The following KCTD21 variants were observed in gnomAD, a reference collection of about 807,000 sequenced individuals.
The protein encoded by KCTD21 is potassium channel tetramerization domain containing 21.
Under a neutral mutation model 13.2 loss-of-function variants are expected in KCTD21, and 9 were observed. The observed-to-expected ratio is 0.68, with a 90% CI of 0.41 to 1.19. The LOEUF is 1.19. Ranked by LOEUF, KCTD21 falls within the 50% of genes most tolerant of loss-of-function variation. The probability of loss-of-function intolerance (pLI) is 0.01; values close to 1 mark genes in which losing one functional copy is unlikely to be tolerated. For missense variants in KCTD21, 303 were observed against 336.5 expected, an observed-to-expected ratio of 0.90 and a Z score of 0.78; for synonymous variants, 142 against 137.4, an observed-to-expected ratio of 1.03 and a Z score of -0.23.
chr11:78,183,625 A>C (rs1471441464), intron 1 of KCTD21, among the ~76,000 whole-genome samples: 1 of 151,872 alleles, frequency 6.6e-6, no homozygotes. Flanking sequence ...AGATAGAGAC[A>C]GGAAAAATTA....
intron 1 of KCTD21, among the ~76,000 whole-genome samples, chr11:78,186,371 C>CAAAAAAAAAAAAAAAAAAA (rs57748403): frequency 6.5e-5 from 3 of 45,816 alleles, no homozygotes; most frequent in African/African-American, 1.7e-4. Flanking sequence ...GACCCTGTCT[C>CAAAAAAAAAAAAAAAAAAA]AAAAAAAAAA....
intron 1 of KCTD21, chr11:78,186,891 G>C (rs866981254): frequency 1.0e-6 from 1 of 985,466 alleles, no homozygotes; most frequent in African/African-American, 1.7e-5. Context: ...CTCCCTTGCT[G>C]GGGCTGGGGG....
intron 1 of KCTD21, among the ~76,000 whole-genome samples, chr11:78,180,097 A>G (rs186576312): frequency 6.6e-6 from 1 of 152,322 alleles, no homozygotes; most frequent in East Asian, 1.9e-4. Context: ...ATAAAATCTA[A>G]AACTACACAA....
chr11:78,188,034 A>C, intron 1 of KCTD21: 1 of 985,368 alleles, frequency 1.0e-6, no homozygotes, highest in Non-Finnish European at 1.2e-6. Flanking sequence ...CTTTATTTCC[A>C]GTCAGTAAAG....
chr11:78,188,549 C>T, intron 1 of KCTD21, 24 bp downstream of exon 1: 5 of 985,558 alleles, frequency 5.1e-6, no homozygotes, highest in Non-Finnish European at 6.0e-6. Context: ...CCGAGCCCCG[C>T]GACCCCGGCC....
intron 1 of KCTD21, chr11:78,176,758 C>A (rs1251870883): frequency 6.6e-6 from 1 of 152,188 alleles, no homozygotes; most frequent in Non-Finnish European, 1.5e-5. Context: ...CTTTGGGAGG[C>A]CGAGGTGGGC....
At chr11:78,188,373 T>C (rs1363902758) in intron 1 of KCTD21, 200 bp downstream of exon 1, 3 of 984,710 alleles carry the variant, frequency 3.0e-6, no homozygotes, top group Non-Finnish European at 3.6e-6. Flanking sequence ...CCCGCCCCTC[T>C]AAGAGCTCTG....
intron 1 of KCTD21, among the ~76,000 whole-genome samples, chr11:78,179,368 C>T (rs1862551689): frequency 6.6e-6 from 1 of 152,014 alleles, no homozygotes; most frequent in Non-Finnish European, 1.5e-5. Context: ...AATTCCTAGT[C>T]AAGACCCTCC....
At position 78,173,584 on chromosome 11, in the gene KCTD21, AG is replaced by A. The variant is rs1158007163; in HGVS notation, c.*187del. 1 of 598,392 alleles carries A rather than the reference AG, an allele frequency of 1.7e-6. No individual in the cohort carries two copies. Among genetic ancestry groups the A allele is most frequent in the Non-Finnish European group, 2.9e-6 (1 of 340,332 alleles). 37.1% of individuals were successfully genotyped at this position (598,392 alleles called of 1,614,324 possible). A position where few individuals can be genotyped will look rare whatever the true frequency, so the allele number is the denominator to read the frequency against. On this transcript the variant is annotated 3_prime_UTR_variant, in exon 2 of 2. Coordinates refer to ENST00000340067, the MANE Select transcript of KCTD21 (RefSeq NM_001029859.3). ...CTGCAGCTCAAAATGGCAAGAAAAA[AG>A]GTGGTTCTGTTCAGAGGACACTGGA...
chr11:78,180,923 G>T (rs997218307), intron 1 of KCTD21, among the ~76,000 whole-genome samples: 6 of 152,052 alleles, frequency 3.9e-5, no homozygotes, highest in Non-Finnish European at 8.8e-5. Context: ...GAGATCTGAT[G>T]GTTTTATAAG....
In KCTD21 at chr11:78,188,606, G is replaced by A. The variant is rs1565390143; in HGVS notation, c.-63C>T. ...CTCGCTCTGCAGCCTCTCCCTCCGCGAGCGGCCAGCGCAGCTTTGCGAGGG... is the reference window on the plus strand; with the variant it reads ...CTCGCTCTGCAGCCTCTCCCTCCGCAAGCGGCCAGCGCAGCTTTGCGAGGG... On this transcript the variant is annotated 5_prime_UTR_variant, in exon 1 of 2. Transcript: ENST00000340067. 5.1e-6 allele frequency: 5 copies of A among 985,340 alleles called. No homozygotes were observed. Among genetic ancestry groups the A allele is most frequent in the Non-Finnish European group, 4.8e-6 (4 of 829,980 alleles). 61.0% of individuals were successfully genotyped at this position (985,340 alleles called of 1,614,324 possible).
At position 78,174,166 on chromosome 11, in the gene KCTD21, G is replaced by A. The variant is rs1862371393; in HGVS notation, c.389C>T (p.Ala130Val). Reference protein sequence around the residue: ...VQTVHFTVREAPQIYSLSSSS... With the variant: ...VQTVHFTVREVPQIYSLSSSS... ...AGAGGAGAGGCTGTAGATCTGGGGT[G>A]CCTCGCGCACAGTGAAGTGGACCGT... The change falls in exon 2 of 2, where the codon GCA (alanine) becomes GTA (valine). Residue 130 changes from alanine to valine, a missense_variant. Physicochemically the swap from Ala to Val is moderately conservative, Grantham distance 64. Coordinates refer to ENST00000340067, the MANE Select transcript of KCTD21 (RefSeq NM_001029859.3). 1.9e-6 allele frequency: 3 copies of A among 1,614,016 alleles called. No homozygotes were observed. The East Asian group carries it at 6.7e-5, about 36-fold the overall frequency.
intron 1 of KCTD21, among the ~76,000 whole-genome samples, chr11:78,178,536 G>A (rs1257830182): frequency 1.3e-5 from 2 of 152,080 alleles, no homozygotes; most frequent in Non-Finnish European, 2.9e-5. Flanking sequence ...ATGAGTCGGC[G>A]GAGGTTTGCA....
intron 1 of KCTD21, among the ~76,000 whole-genome samples, chr11:78,185,835 ACCCAC>A (rs1467302610): frequency 6.6e-6 from 1 of 151,610 alleles, no homozygotes; most frequent in Non-Finnish European, 1.5e-5. Context: ...CAAATGATCC[ACCCAC>A]CTCAGCCTCC....
At chr11:78,175,442 G>C (rs1862424076) in intron 1 of KCTD21, 1 of 152,032 alleles carries the variant, frequency 6.6e-6, no homozygotes, top group South Asian at 2.1e-4. Context: ...TCAGAAAGGT[G>C]AAGTGCCTTG....
chr11:78,185,326 AAG>A (rs1302832798), intron 1 of KCTD21, among the ~76,000 whole-genome samples: 2 of 152,204 alleles, frequency 1.3e-5, no homozygotes, highest in Non-Finnish European at 2.9e-5. Flanking sequence ...TGTATTTTAA[AAG>A]AGGGGGGAAG....
intron 1 of KCTD21, chr11:78,174,954 T>C: frequency 5.9e-6 from 1 of 170,376 alleles, no homozygotes; most frequent in Non-Finnish European, 1.3e-5. Context: ...AGAGAACCAC[T>C]GGTCTAAAGA....
chr11:78,186,820 C>T (rs1007186620), intron 1 of KCTD21: 1 of 985,430 alleles, frequency 1.0e-6, no homozygotes, highest in Non-Finnish European at 1.2e-6. Context: ...TCTGCATCTG[C>T]GGAGAATTTT....
rs753245272 is a variant in KCTD21, at chr11:78,173,864, C to T, written c.691G>A (p.Ala231Thr). 36 of 1,614,060 alleles carry T rather than the reference C, an allele frequency of 2.2e-5. No individual in the cohort carries two copies. The African/African-American group carries it at 3.2e-4, about 14-fold the overall frequency. The change falls in exon 2 of 2, where the codon GCT becomes ACT. Residue 231 changes from alanine (A) to threonine (T), a missense_variant. Transcript: ENST00000340067. ...TCGATGCAGAAGCCATCGCTCAGAG[C>T]GATTTTCAGTACCTCTTCCACGAAG... ...QVFVEEVLKIALSDGFCIDSS... is the reference protein window; with the variant it reads ...QVFVEEVLKITLSDGFCIDSS...
Sources: allele counts gnomAD v4.1 joint callset (sites outside exome capture counted in the v4.1 genomes callset), GRCh38; gene constraint gnomAD v4.1.1; transcripts MANE v1.5; gene names NCBI Gene and HGNC (gene_info 2026-07-23, HGNC 2026-07-21).